Variants in RBFOX1 observed in about 807,000 individuals in gnomAD.
RBFOX1 encodes RNA binding fox-1 homolog 1, also known as RNA binding protein fox-1 homolog 1.
A neutral mutation model predicts 57.7 loss-of-function variants in RBFOX1; 8 were observed. That is an observed-to-expected ratio of 0.14 (90% CI 0.08 to 0.25). The LOEUF (loss-of-function observed/expected upper bound fraction) is 0.25. Among genes scored for constraint, RBFOX1 ranks in the 10% least tolerant of loss-of-function variants. RBFOX1 has a pLI of 1.00. For synonymous variants in RBFOX1, 326 were observed against 222.4 expected, an observed-to-expected ratio of 1.47 and a Z score of -4.15; for missense variants, 611 against 548.5, an observed-to-expected ratio of 1.11 and a Z score of -1.14.
intron 3 of RBFOX1, among the ~76,000 whole-genome samples, chr16:6,900,194 A>T (rs992424424): frequency 6.6e-6 from 1 of 152,148 alleles, no homozygotes; most frequent in Non-Finnish European, 1.5e-5. Context: ...TGTGTGGTGA[A>T]TTGGAATGTA....
rs1401140043 is a variant in RBFOX1, at chr16:5,856,436, A to T, written c.319-10867A>T. Among the ~76,000 whole-genome samples the T allele has an allele frequency of 4.3e-5, 6 of 138,008 alleles. No individual in the cohort carries two copies. In the Admixed American group the frequency reaches 4.5e-4, roughly 10 times the overall value. 90.5% of individuals were successfully genotyped at this position (138,008 alleles called of 152,430 possible). A position where few individuals can be genotyped will look rare whatever the true frequency, so the allele number is the denominator to read the frequency against. The stretch of plus-strand genomic sequence containing the variant: ...TCAAGTATATAGCACAGTATTGTTC[A>T]TTGTCATCACAAGACTATGCATTAA... On this transcript the variant is annotated intron_variant, in intron 3 of 19. Coordinates refer to the RBFOX1 transcript ENST00000641259.
intron 2 of RBFOX1, among the ~76,000 whole-genome samples, chr16:5,528,125 G>A (rs1332631268): frequency 6.6e-6 from 1 of 152,146 alleles, no homozygotes; most frequent in Non-Finnish European, 1.5e-5. Flanking sequence ...ATTTCAGAGT[G>A]TCTGAATACT....
chr16:6,068,720 C>T (rs35619956), intron 1 of RBFOX1, among the ~76,000 whole-genome samples: 3 of 151,930 alleles, frequency 2.0e-5, no homozygotes, highest in Non-Finnish European at 4.4e-5. Context: ...TAATCACTTA[C>T]GTCTTTAGAG....
At chr16:7,699,057 G>A (rs923876502) in intron 14 of RBFOX1, among the ~76,000 whole-genome samples, 2 of 152,226 alleles carry the variant, frequency 1.3e-5, no homozygotes, top group South Asian at 2.1e-4. Flanking sequence ...CTGTTTTGTC[G>A]CCTTCCCCTG....
At chr16:7,628,626 T>A (rs2060448951) in intron 10 of RBFOX1, among the ~76,000 whole-genome samples, 1 of 152,174 alleles carries the variant, frequency 6.6e-6, no homozygotes, top group South Asian at 2.1e-4. Context: ...AAACTTTTTT[T>A]TTTGAGATGG....
intron 3 of RBFOX1, among the ~76,000 whole-genome samples, chr16:7,036,642 G>A (rs879031569): frequency 1.3e-5 from 2 of 151,340 alleles, no homozygotes; most frequent in African/African-American, 4.9e-5. Flanking sequence ...GCAGTGAACC[G>A]AAATCGTGCC....
chr16:6,904,761 C>G (rs920640237), intron 3 of RBFOX1, among the ~76,000 whole-genome samples: 1 of 152,140 alleles, frequency 6.6e-6, no homozygotes, highest in South Asian at 2.1e-4. Context: ...CTGGGAAGGC[C>G]AGTTCACCTG....
At chr16:5,933,374 G>A (rs547430524) in intron 4 of RBFOX1, among the ~76,000 whole-genome samples, 5 of 152,280 alleles carry the variant, frequency 3.3e-5, no homozygotes, top group South Asian at 4.1e-4. Flanking sequence ...GGGAGTGTTC[G>A]TGTGTTCTTA....
chr16:5,277,777 C>G (rs574642985), intron 1 of RBFOX1, among the ~76,000 whole-genome samples: 2 of 152,192 alleles, frequency 1.3e-5, no homozygotes, highest in Non-Finnish European at 2.9e-5. Context: ...TGGCCTAGTT[C>G]ACCTGACATT....
intron 2 of RBFOX1, among the ~76,000 whole-genome samples, chr16:6,539,886 T>G (rs571952765): frequency 3.5e-4 from 53 of 149,636 alleles, no homozygotes; most frequent in African/African-American, 1.3e-3. Flanking sequence ...TTTTTGCTTC[T>G]GCATGAACTT....
intron 2 of RBFOX1, among the ~76,000 whole-genome samples, chr16:5,550,669 A>T (rs1316386226): frequency 6.6e-6 from 1 of 152,206 alleles, no homozygotes; most frequent in Non-Finnish European, 1.5e-5. Context: ...GTACGTTAGC[A>T]AATAAAGCAG....
intron 1 of RBFOX1, among the ~76,000 whole-genome samples, chr16:5,443,210 G>A (rs1364349828): frequency 6.6e-6 from 1 of 152,178 alleles, no homozygotes. Context: ...ACTAAGCCGT[G>A]CTCATTTTAG....
intron 3 of RBFOX1, among the ~76,000 whole-genome samples, chr16:6,973,331 C>G (rs944360505): frequency 2.0e-5 from 3 of 152,108 alleles, no homozygotes; most frequent in African/African-American, 4.8e-5. Flanking sequence ...GCTTTGTTGT[C>G]AGACAAAAGC....
chr16:5,365,399 G>A (rs540852005), intron 1 of RBFOX1, among the ~76,000 whole-genome samples: 62 of 152,314 alleles, frequency 4.1e-4, no homozygotes, highest in African/African-American at 1.4e-3. Context: ...TAGGCACAGT[G>A]TCTCACACCT....
At chr16:5,949,606 C>T (rs2059478727) in intron 4 of RBFOX1, among the ~76,000 whole-genome samples, 1 of 150,852 alleles carries the variant, frequency 6.6e-6, no homozygotes, top group Admixed American at 6.6e-5. Context: ...TGTCTCGAGT[C>T]TTTTGTGTTG....
In RBFOX1 at chr16:7,518,166, C is replaced by G. The variant is rs750798420; in HGVS notation, c.47C>G (p.Ala16Gly). The change falls in exon 5 of 16, where the codon GCT (alanine) becomes GGT (glycine). Residue 16 changes from alanine to glycine, a missense_variant. Ala to Gly is a moderately conservative substitution (Grantham distance 60, BLOSUM62 0). Coordinates refer to ENST00000550418, the MANE Select transcript of RBFOX1 (RefSeq NM_018723.4). ...TTTCAGGGTAATCAGGAAGCAGCCGCTGCCCCTGACACAATGGCTCAGCCT... is the reference window on the plus strand; with the variant it reads ...TTTCAGGGTAATCAGGAAGCAGCCGGTGCCCCTGACACAATGGCTCAGCCT... ...EQLRGNQEAAAAPDTMAQPYA... is the reference protein window; with the variant it reads ...EQLRGNQEAAGAPDTMAQPYA... 28 of 1,612,388 alleles carry G rather than the reference C, an allele frequency of 1.7e-5. No individual in the cohort carries two copies. The highest frequency in any genetic ancestry group is 2.3e-5 in the Non-Finnish European group (27 of 1,179,198).
At chr16:7,373,521 G>T (rs1379218773) in intron 4 of RBFOX1, among the ~76,000 whole-genome samples, 1 of 152,134 alleles carries the variant, frequency 6.6e-6, no homozygotes, top group Non-Finnish European at 1.5e-5. Context: ...TGTAATAAAT[G>T]CTGGACTGTG....
chr16:5,701,337 G>C (rs934450713), intron 3 of RBFOX1, among the ~76,000 whole-genome samples: 7 of 152,180 alleles, frequency 4.6e-5, no homozygotes, highest in Non-Finnish European at 7.3e-5. Flanking sequence ...TCATTTGAAA[G>C]TTTATTTTGC....
chr16:6,201,492 G>A (rs1399232121), intron 1 of RBFOX1, among the ~76,000 whole-genome samples: 1 of 152,144 alleles, frequency 6.6e-6, no homozygotes, highest in Non-Finnish European at 1.5e-5. Flanking sequence ...AGATAGAGTG[G>A]AATGATGGTT....
Sources: allele counts gnomAD v4.1 joint callset (sites outside exome capture counted in the v4.1 genomes callset), GRCh38; gene constraint gnomAD v4.1.1; transcripts MANE v1.5; gene names NCBI Gene and HGNC (gene_info 2026-07-23, HGNC 2026-07-21).